Variants in RGPD2 observed in about 807,000 individuals in gnomAD.
The protein encoded by RGPD2 is RANBP2 like and GRIP domain containing 2, also known as RANBP2-like and GRIP domain-containing protein 2.
Under a neutral mutation model 36.0 loss-of-function variants are expected in RGPD2, and 2 were observed. That is an observed-to-expected ratio of 0.06 (90% CI 0.02 to 0.17). The LOEUF (loss-of-function observed/expected upper bound fraction) is 0.17. RGPD2 is among the 10% of genes least tolerant of loss of function. The pLI, the probability that RGPD2 is intolerant of heterozygous loss-of-function variation, is 1.00. For synonymous variants in RGPD2, 19 were observed against 163.8 expected, an observed-to-expected ratio of 0.12 and a Z score of 6.75; for missense variants, 40 against 464.3, an observed-to-expected ratio of 0.09 and a Z score of 8.40.
the RGPD2 span, among the ~76,000 whole-genome samples, chr2:87,927,589 C>T: frequency 6.6e-6 from 1 of 151,186 alleles, no homozygotes; most frequent in African/African-American, 2.4e-5. Context: ...CAGAATCAAT[C>T]AGTGATGGTT....
chr2:87,978,800 T>C, the RGPD2 span, among the ~76,000 whole-genome samples: 1 of 137,088 alleles, frequency 7.3e-6, no homozygotes, highest in Non-Finnish European at 1.6e-5. Flanking sequence ...ATACCAGTAA[T>C]CCTAGCCACT....
At chr2:87,759,102 C>T (rs1306036492) in intron 22 of RGPD2, among the ~76,000 whole-genome samples, 35 of 134,852 alleles carry the variant, frequency 2.6e-4, no homozygotes, top group African/African-American at 5.2e-4. Context: ...CCACAACCTC[C>T]GCCTCCGGGT....
chr2:87,979,010 G>A, the RGPD2 span, among the ~76,000 whole-genome samples: 24 of 148,686 alleles, frequency 1.6e-4, no homozygotes, highest in African/African-American at 4.7e-4. Flanking sequence ...CAACATGGGC[G>A]GATTATTGAG....
At chr2:87,826,820 C>CT (rs1686822906), upstream of RGPD2, among the ~76,000 whole-genome samples, 1 of 36,246 alleles carries the variant, frequency 2.8e-5, no homozygotes, top group Admixed American at 3.3e-4. Context: ...GAGGGTATAA[C>CT]TAACATTAAG....
At chr2:87,955,259 C>G in the RGPD2 span, among the ~76,000 whole-genome samples, 25,549 of 148,044 alleles carry the variant, frequency 0.17, 2,628 homozygotes, top group East Asian at 0.27. Flanking sequence ...CGTGATCCAC[C>G]CCCCCACAGC....
At chr2:87,930,880 C>T in the RGPD2 span, among the ~76,000 whole-genome samples, 1 of 143,002 alleles carries the variant, frequency 7.0e-6, no homozygotes, top group Non-Finnish European at 1.5e-5. Context: ...TCATAATATC[C>T]TCTGGTGGTT....
intron 22 of RGPD2, among the ~76,000 whole-genome samples, chr2:87,760,636 G>T (rs867859921): frequency 0.14 from 244 of 1,694 alleles, no homozygotes; most frequent in East Asian, 0.3. Context: ...TTTTTTTTTT[G>T]AGACAGAGTC....
At chr2:87,906,811 C>T in the RGPD2 span, among the ~76,000 whole-genome samples, 1 of 147,938 alleles carries the variant, frequency 6.8e-6, no homozygotes, top group Non-Finnish European at 1.5e-5. Flanking sequence ...CCCAGCTATT[C>T]AGGAGGCTTA....
At chr2:87,988,541 A>ATATATATATTTTTTTTTT in the RGPD2 span, among the ~76,000 whole-genome samples, 1 of 54,148 alleles carries the variant, frequency 1.8e-5, no homozygotes, top group Admixed American at 3.1e-4. Flanking sequence ...ATATATATAT[A>ATATATATATTTTTTTTTT]TTTTTTTTTT....
chr2:87,883,054 G>A, the RGPD2 span, among the ~76,000 whole-genome samples: 7 of 151,970 alleles, frequency 4.6e-5, no homozygotes, highest in East Asian at 1.2e-3. Flanking sequence ...TAATGGTGGT[G>A]GATAAATTAA....
At chr2:87,872,444 A>G in the RGPD2 span, among the ~76,000 whole-genome samples, 1 of 152,230 alleles carries the variant, frequency 6.6e-6, no homozygotes, top group Non-Finnish European at 1.5e-5. Flanking sequence ...AGGAATATAT[A>G]AACATACTGA....
the RGPD2 span, among the ~76,000 whole-genome samples, chr2:87,984,385 C>T: frequency 1.6e-4 from 24 of 151,816 alleles, no homozygotes; most frequent in Admixed American, 4.6e-4. Context: ...ATTACAATAA[C>T]GAAAACAACA....
the RGPD2 span, among the ~76,000 whole-genome samples, chr2:87,876,667 A>G: frequency 2.6e-5 from 4 of 151,788 alleles, no homozygotes; most frequent in East Asian, 5.8e-4. Context: ...GGCAATGAGA[A>G]GTATGTATAT....
the RGPD2 span, among the ~76,000 whole-genome samples, chr2:87,860,734 G>T: frequency 6.6e-6 from 1 of 152,186 alleles, no homozygotes; most frequent in African/African-American, 2.4e-5. Flanking sequence ...GTGTTTGTGT[G>T]TGTGTGTCTG....
the RGPD2 span, chr2:87,972,771 A>C: frequency 6.8e-6 from 11 of 1,611,610 alleles, no homozygotes; most frequent in Non-Finnish European, 8.5e-6. Context: ...TACCTCTGTG[A>C]GAGTGGTCAC....
chr2:87,988,128 G>A, the RGPD2 span, among the ~76,000 whole-genome samples: 27 of 150,928 alleles, frequency 1.8e-4, no homozygotes, highest in African/African-American at 6.3e-4. Context: ...ACCAAGATAT[G>A]TCATGAACTT....
the RGPD2 span, among the ~76,000 whole-genome samples, chr2:87,915,340 A>ATATTATATATATTGTATATATAT: frequency 4.6e-3 from 498 of 109,318 alleles, 7 homozygotes; most frequent in South Asian, 0.014. Context: ...TTGTATATAT[A>ATATTATATATATTGTATATATAT]ATGTATATTA....
chr2:87,854,968 C>T, the RGPD2 span, among the ~76,000 whole-genome samples: 1 of 152,122 alleles, frequency 6.6e-6, no homozygotes, highest in South Asian at 2.1e-4. Context: ...TTAATCAACA[C>T]TTCCATAACC....
At chr2:87,863,970 C>T in the RGPD2 span, among the ~76,000 whole-genome samples, 37 of 151,650 alleles carry the variant, frequency 2.4e-4, no homozygotes, top group Non-Finnish European at 8.8e-5. Flanking sequence ...GAATTATGAC[C>T]ATTTTCCTGT....
Sources: allele counts gnomAD v4.1 joint callset (sites outside exome capture counted in the v4.1 genomes callset), GRCh38; gene constraint gnomAD v4.1.1; transcripts MANE v1.5; gene names NCBI Gene and HGNC (gene_info 2026-07-23, HGNC 2026-07-21).